TMEM63A: variants seen among roughly 807,000 people sequenced by gnomAD.
The protein encoded by TMEM63A is transmembrane protein 63A.
TMEM63A carries 76 observed loss-of-function variants against 100.6 expected under a neutral mutation model. That is an observed-to-expected ratio of 0.76 (90% CI 0.63 to 0.91). TMEM63A has a LOEUF of 0.91. Ranked by LOEUF, TMEM63A falls within the 40% of genes least tolerant of loss-of-function variation. The pLI, the probability that TMEM63A is intolerant of heterozygous loss-of-function variation, is 0.00. For synonymous variants in TMEM63A, 401 were observed against 401.1 expected, an observed-to-expected ratio of 1.00 and a Z score of 0.00; for missense variants, 876 against 1,008.8, an observed-to-expected ratio of 0.87 and a Z score of 1.78.
downstream of TMEM63A, chr1:225,842,335 A>G: frequency 2.7e-6 from 4 of 1,486,558 alleles, no homozygotes; most frequent in South Asian, 4.5e-5. Context: ...CCCAGGCCTG[A>G]GTCTCTCCCT....
chr1:225,862,413 AT>A lies in TMEM63A; in HGVS notation c.951+41del. 1 of 1,613,828 alleles carries A rather than the reference AT, an allele frequency of 6.2e-7. No homozygotes were observed. Among genetic ancestry groups the A allele is most frequent in the Non-Finnish European group, 8.5e-7 (1 of 1,179,754 alleles). On this transcript the variant is annotated intron_variant, in intron 12 of 24. Transcript: ENST00000366835. This position sits in a 1 kb window ranked among gnomAD's most constrained non-coding sequence, Gnocchi z 5.1. ...CCATGCTGGTATCTGGGGCACCCCGATGCCAATGCCTCTGCTCCCAGCCGGG... is the reference window on the plus strand; with the variant it reads ...CCATGCTGGTATCTGGGGCACCCCGAGCCAATGCCTCTGCTCCCAGCCGGG...
chr1:225,841,346 G>C (rs1237950903), downstream of TMEM63A, among the ~76,000 whole-genome samples: 1 of 152,126 alleles, frequency 6.6e-6, no homozygotes, highest in Non-Finnish European at 1.5e-5. Context: ...GCAGTGGTGT[G>C]ATCTCAGCTC....
In TMEM63A at chr1:225,853,887, G is replaced by T; in HGVS notation, c.1635-96C>A. ...GGGCAGGAGCAGAAAGCCCCTGGGA[G>T]GGCTGTATACTCTTCCGTTCATTCA... On this transcript the variant is annotated intron_variant, in intron 18 of 24. Transcript: ENST00000366835. This position sits in a 1 kb window ranked among gnomAD's most constrained non-coding sequence, Gnocchi z 4.0. The T allele has an allele frequency of 8.0e-7, 1 of 1,252,614 alleles. No individual in the cohort carries two copies. Among genetic ancestry groups the T allele is most frequent in the South Asian group, 1.6e-5 (1 of 63,180 alleles). 77.6% of individuals were successfully genotyped at this position (1,252,614 alleles called of 1,614,324 possible).
In TMEM63A at chr1:225,847,210, A is replaced by G. The variant is rs1158691862; in HGVS notation, c.2254T>C (p.Tyr752His). The change falls in exon 24 of 25, where the codon TAC (tyrosine) becomes CAC (histidine). Residue 752 changes from tyrosine to histidine, a missense_variant. Physicochemically the swap from Tyr to His is moderately conservative, Grantham distance 83. This residue lies in a region of TMEM63A where 339 missense variants were observed against 342.3 expected (regional missense o/e 0.99). Coordinates refer to ENST00000366835, the MANE Select transcript of TMEM63A (RefSeq NM_014698.3). ...AAGCCGTTCAGAATCCGAGGCACGT[A>G]GGGCTGTCAGCAAATGGATTTGTGC... ...EAHMPPPFTP[Y>H]VPRILNGLAS... 2 of 1,612,718 alleles carry G rather than the reference A, an allele frequency of 1.2e-6. No homozygotes were observed. Among genetic ancestry groups the G allele is most frequent in the Non-Finnish European group, 1.7e-6 (2 of 1,179,548 alleles).
intron 6 of TMEM63A, among the ~76,000 whole-genome samples, chr1:225,869,662 TTTTC>T (rs1281142514): frequency 9.0e-5 from 2 of 22,140 alleles, no homozygotes; most frequent in Non-Finnish European, 2.9e-4. Flanking sequence ...ATTTCTTTTC[TTTTC>T]TTTTTTTTTT....
intron 15 of TMEM63A, among the ~76,000 whole-genome samples, chr1:225,857,376 C>CGGGGTGGGGGGGGG (rs1213111924): frequency 6.1e-4 from 2 of 3,266 alleles, no homozygotes; most frequent in African/African-American, 1.2e-3. Flanking sequence ...GAGTCCTGGC[C>CGGGGTGGGGGGGGG]GGCGGGGCGG....
At chr1:225,881,696 A>G (rs1348511748) in intron 1 of TMEM63A, among the ~76,000 whole-genome samples, 2 of 152,110 alleles carry the variant, frequency 1.3e-5, no homozygotes, top group African/African-American at 2.4e-5. Flanking sequence ...GGGCTGAATG[A>G]CCAAGGCCCC....
intron 23 of TMEM63A, 67 bp downstream of exon 23, chr1:225,848,425 G>T: frequency 6.4e-7 from 1 of 1,560,328 alleles, no homozygotes; most frequent in Non-Finnish European, 8.8e-7. Context: ...GGCCCATCTG[G>T]TTGGGACTGT....
rs1440550488 is a variant in TMEM63A at position 225,862,589 on chromosome 1, G to A, written c.828-11C>T. On this transcript the variant is annotated splice_polypyrimidine_tract_variant and intron_variant, in intron 11 of 24. Transcript: ENST00000366835. This position sits in a 1 kb window ranked among gnomAD's most constrained non-coding sequence, Gnocchi z 5.1. ...TTCTCAGTCTTCTTTCTGTAGGGGTGGGAGCGGGGGCACAAACCTCAGATT... is the reference window on the plus strand; with the variant it reads ...TTCTCAGTCTTCTTTCTGTAGGGGTAGGAGCGGGGGCACAAACCTCAGATT... 1.2e-6 allele frequency: 2 copies of A among 1,611,538 alleles called. No individual in the cohort carries two copies. The highest frequency in any genetic ancestry group is 2.2e-5 in the South Asian group (2 of 90,942).
At chr1:225,873,366 A>G (rs184853) in intron 4 of TMEM63A, among the ~76,000 whole-genome samples, 145,307 of 152,218 alleles carry the variant, frequency 0.95, 69,375 homozygotes, top group East Asian at 1. Context: ...TCACGGGGAA[A>G]GATGGTGCAT....
At chr1:225,857,094 TG>T in intron 15 of TMEM63A, 77 bp from the exon 16 acceptor site, 1 of 1,272,432 alleles carries the variant, frequency 7.9e-7, no homozygotes, top group Non-Finnish European at 1.1e-6. Flanking sequence ...CCTATTGGTA[TG>T]GTCGCTCAGT....
In TMEM63A at chr1:225,862,345, C is replaced by T. The variant is rs768686642; in HGVS notation, c.958G>A (p.Ala320Thr). Residue 320 changes from alanine (A) to threonine (T), a missense_variant, in exon 13 of 25, where the codon GCC becomes ACC. Transcript: ENST00000366835. This position sits in a 1 kb window ranked among gnomAD's most constrained non-coding sequence, Gnocchi z 5.1. ...CEVLGCEWEDAISYYTRMKDR... is the reference protein window; with the variant it reads ...CEVLGCEWEDTISYYTRMKDR... ...TTCATCCGTGTGTAGTAAGAGATGG[C>T]GTCTTCCTGCCACAAGACACATCCC... is the stretch of plus-strand genomic sequence containing the variant. 23 of 1,614,058 alleles carry T rather than the reference C, an allele frequency of 1.4e-5. No homozygotes were observed. Among genetic ancestry groups the T allele is most frequent in the East Asian group, 2.2e-5 (1 of 44,884 alleles).
Position 225,849,032 on chromosome 1 carries a change from A to G in TMEM63A, c.2072-20T>C. On this transcript the variant is annotated intron_variant, in intron 21 of 24. Transcript: ENST00000366835. ...TCATACCTGGTGATAGAGGGTGGCT[A>G]GCCTTGGGGTGGGCAGGGAGGGGCC... is the stretch of plus-strand genomic sequence containing the variant. 1.5e-6 allele frequency: 1 copy of G among 668,226 alleles called. No homozygotes were observed. The allele number at this position is 668,226 out of a possible 1,614,324, so 41.4% of individuals were successfully genotyped here. A position where few individuals can be genotyped will look rare whatever the true frequency, so the allele number is the denominator to read the frequency against.
chr1:225,872,060 A>G lies in TMEM63A; in HGVS notation c.267-7T>C, dbSNP rs765946681. The G allele has an allele frequency of 1.3e-6, 2 of 1,592,512 alleles. No homozygotes were observed. The highest frequency in any genetic ancestry group is 4.5e-5 in the East Asian group (2 of 44,778). On this transcript the variant is annotated splice_region_variant and splice_polypyrimidine_tract_variant and intron_variant, in intron 4 of 24. Transcript: ENST00000366835. ...TCTCTGAAATCTGGACTCGCTAGAG[A>G]CACAAAAAGAAAAAAAATGACAGAT...
intron 4 of TMEM63A, among the ~76,000 whole-genome samples, chr1:225,872,936 C>A (rs956894540): frequency 1.3e-5 from 2 of 152,022 alleles, no homozygotes; most frequent in Non-Finnish European, 1.5e-5. Flanking sequence ...TCATGATCCA[C>A]CCCCGCCTCG....
Position 225,845,837 on chromosome 1 carries a change from C to T in TMEM63A, c.*1102G>A, listed in dbSNP as rs1668939861. 2 of 224,822 alleles carry T rather than the reference C, an allele frequency of 8.9e-6. No homozygotes were observed. The highest frequency in any genetic ancestry group is 2.3e-5 in the African/African-American group (1 of 43,712). The allele number at this position is 224,822 out of a possible 1,614,324, so 13.9% of individuals were successfully genotyped here. A position where few individuals can be genotyped will look rare whatever the true frequency, so the allele number is the denominator to read the frequency against. On this transcript the variant is annotated 3_prime_UTR_variant, in exon 25 of 25. Coordinates refer to ENST00000366835, the MANE Select transcript of TMEM63A (RefSeq NM_014698.3). Reference sequence around the variant, plus strand: ...TGAGAAGGCCCAGATAAGCCCAGGCCCCCCAGGCCAGCGGACAGGCACAGG... The same window carrying T: ...TGAGAAGGCCCAGATAAGCCCAGGCTCCCCAGGCCAGCGGACAGGCACAGG...
In TMEM63A at chr1:225,850,000, C is replaced by T. The variant is rs1215387095; in HGVS notation, c.1983G>A (p.Lys661=). The change falls in exon 21 of 25, where the codon AAG becomes AAA. Residue 661 remains lysine (K), a synonymous_variant. Coordinates refer to ENST00000366835, the MANE Select transcript of TMEM63A (RefSeq NM_014698.3). ...GGTTCACAGCGGCAAAGTGGATCCC[C>T]TTCTCCAGCTTGGCTGGGAGGTAGA... The part of the protein sequence containing the change: ...YFVYLPAKLE[K]GIHFAAVNQA... 10 of 1,614,228 alleles carry T rather than the reference C, an allele frequency of 6.2e-6. No individual in the cohort carries two copies. The highest frequency in any genetic ancestry group is 8.5e-6 in the Non-Finnish European group (10 of 1,180,038).
At chr1:225,851,172 C>G (rs1308011677) in intron 20 of TMEM63A, among the ~76,000 whole-genome samples, 2 of 152,084 alleles carry the variant, frequency 1.3e-5, no homozygotes, top group African/African-American at 4.8e-5. Context: ...AATTCCTCCC[C>G]AGCCCTTCCC....
Position 225,856,519 on chromosome 1 carries a change from C to T in TMEM63A, c.1571+133G>A, listed in dbSNP as rs76717460. The stretch of plus-strand genomic sequence containing the variant: ...TCAATGACCCAGCCCTACTGCACGC[C>T]GAGTGGTTGCGACAGGCTTAGATAT... On this transcript the variant is annotated intron_variant, in intron 17 of 24. Coordinates refer to ENST00000366835, the MANE Select transcript of TMEM63A (RefSeq NM_014698.3). 6.1e-3 allele frequency: 4,880 copies of T among 795,052 alleles called. 88 individuals carry two copies. Among genetic ancestry groups the T allele is most frequent in the East Asian group, 0.047 (1,691 of 35,636 alleles). 49.2% of individuals were successfully genotyped at this position (795,052 alleles called of 1,614,324 possible). A position where few individuals can be genotyped will look rare whatever the true frequency, so the allele number is the denominator to read the frequency against.
Sources: allele counts gnomAD v4.1 joint callset (sites outside exome capture counted in the v4.1 genomes callset), GRCh38; gene constraint gnomAD v4.1.1; regional missense constraint gnomAD v4.1.1; non-coding constraint Gnocchi (gnomAD v3.1); transcripts MANE v1.5; gene names NCBI Gene and HGNC (gene_info 2026-07-23, HGNC 2026-07-21).